CLEC11A: variants seen among roughly 807,000 people sequenced by gnomAD.
CLEC11A encodes the protein C-type lectin domain family 11 member A.
CLEC11A carries 35 observed loss-of-function variants against 33.9 expected under a neutral mutation model. The observed-to-expected ratio is 1.03, with a 90% CI of 0.79 to 1.37. CLEC11A has a LOEUF of 1.37. Among genes scored for constraint, CLEC11A ranks in the 40% most tolerant of loss-of-function variants. CLEC11A has a pLI of 0.00. For missense variants in CLEC11A, 519 were observed against 455.5 expected, an observed-to-expected ratio of 1.14 and a Z score of -1.27; for synonymous variants, 220 against 202.2, an observed-to-expected ratio of 1.09 and a Z score of -0.75.
rs1445461134 is a variant in CLEC11A, at chr19:50,724,810, C to A, written c.526+209C>A. On this transcript the variant is annotated intron_variant, in intron 3 of 3. Transcript: ENST00000250340. The surrounding 1 kb of genome is among the most constrained non-coding windows in gnomAD (Gnocchi z 4.1). ...CGGACCCGACTGGGGCAGCACCACG[C>A]CCCCTACAGTCCAGCTCCCACCGCC... is the stretch of plus-strand genomic sequence containing the variant. 6.6e-6 allele frequency among the ~76,000 whole-genome samples: 1 copy of A among 151,726 alleles called. No individual in the cohort carries two copies. The highest frequency in any genetic ancestry group is 1.5e-5 in the Non-Finnish European group (1 of 67,894).
Position 50,724,625 on chromosome 19 carries a change from G to GA in CLEC11A, c.526+31dup, listed in dbSNP as rs1303834628. 1.8e-5 allele frequency: 25 copies of GA among 1,386,018 alleles called. No homozygotes were observed. The highest frequency in any genetic ancestry group is 2.1e-5 in the Non-Finnish European group (23 of 1,074,302). The allele number at this position is 1,386,018 out of a possible 1,614,324, so 85.9% of individuals were successfully genotyped here. On this transcript the variant is annotated intron_variant, in intron 3 of 3. Transcript: ENST00000250340. The surrounding 1 kb of genome is among the most constrained non-coding windows in gnomAD (Gnocchi z 4.1). ...GGGTGAGTCCGCGGCGCGCGGGGTG[G>GA]AAAAAAATGAGACTATCTGGGCCAG...
At position 50,723,696 on chromosome 19, in the gene CLEC11A, C is replaced by T. The variant is rs373526182; in HGVS notation, c.147+24C>T. 3 of 1,555,380 alleles carry T rather than the reference C, an allele frequency of 1.9e-6. No individual in the cohort carries two copies. The highest frequency in any genetic ancestry group is 2.6e-6 in the Non-Finnish European group (3 of 1,153,164). ...AGGTGAGCTCTGGAGTGTCAGGGAG[C>T]TATGGGTGGTGAACTGTGGGTCTGG... On this transcript the variant is annotated intron_variant, in intron 1 of 3. Coordinates refer to ENST00000250340, the MANE Select transcript of CLEC11A (RefSeq NM_002975.3). The surrounding 1 kb of genome is among the most constrained non-coding windows in gnomAD (Gnocchi z 4.1).
At position 50,725,693 on chromosome 19, in the gene CLEC11A, TC is replaced by T; in HGVS notation, c.*228del. 1 of 759,298 alleles carries T rather than the reference TC, an allele frequency of 1.3e-6. No individual in the cohort carries two copies. The highest frequency in any genetic ancestry group is 2.0e-6 in the Non-Finnish European group (1 of 496,848). The allele number at this position is 759,298 out of a possible 1,614,324, so 47.0% of individuals were successfully genotyped here. A position where few individuals can be genotyped will look rare whatever the true frequency, so the allele number is the denominator to read the frequency against. On this transcript the variant is annotated 3_prime_UTR_variant, in exon 4 of 4. Coordinates refer to ENST00000250340, the MANE Select transcript of CLEC11A (RefSeq NM_002975.3). Reference sequence around the variant, plus strand: ...CCAGGCTAGGTCCGGTGCCAATAAATCCTTGTGGAATCTGACTTGAGGGGCA... The same window carrying T: ...CCAGGCTAGGTCCGGTGCCAATAAATCTTGTGGAATCTGACTTGAGGGGCA...
Position 50,724,746 on chromosome 19 carries a change from G to T in CLEC11A, c.526+145G>T. Reference sequence around the variant, plus strand: ...AGCGGACGGGGTTAGAGAGCTGGGAGGCTGAATGCAGGGAGCGGGTGGGCA... The same window carrying T: ...AGCGGACGGGGTTAGAGAGCTGGGATGCTGAATGCAGGGAGCGGGTGGGCA... On this transcript the variant is annotated intron_variant, in intron 3 of 3. Transcript: ENST00000250340. The surrounding 1 kb of genome is among the most constrained non-coding windows in gnomAD (Gnocchi z 4.1). The T allele has an allele frequency of 8.4e-7, 1 of 1,186,990 alleles. No individual in the cohort carries two copies. The highest frequency in any genetic ancestry group is 1.1e-6 in the Non-Finnish European group (1 of 898,674). The allele number at this position is 1,186,990 out of a possible 1,614,324, so 73.5% of individuals were successfully genotyped here.
chr19:50,724,690 G>A lies in CLEC11A; in HGVS notation c.526+89G>A, dbSNP rs1020234981. The A allele has an allele frequency of 2.2e-5, 28 of 1,301,166 alleles. No individual in the cohort carries two copies. The highest frequency in any genetic ancestry group is 1.7e-4 in the Admixed American group (5 of 29,468). The allele number at this position is 1,301,166 out of a possible 1,614,324, so 80.6% of individuals were successfully genotyped here. A position where few individuals can be genotyped will look rare whatever the true frequency, so the allele number is the denominator to read the frequency against. On this transcript the variant is annotated intron_variant, in intron 3 of 3. Transcript: ENST00000250340. The surrounding 1 kb of genome is among the most constrained non-coding windows in gnomAD (Gnocchi z 4.1). Reference sequence around the variant, plus strand: ...GAGAAGGTGACCCTAGGTGTCCGGGGCGGGAGAGTTCGGGAGAGCTGCTGT... The same window carrying A: ...GAGAAGGTGACCCTAGGTGTCCGGGACGGGAGAGTTCGGGAGAGCTGCTGT...
chr19:50,724,353 A>G lies in CLEC11A; in HGVS notation c.335-57A>G, dbSNP rs1481657225. On this transcript the variant is annotated intron_variant, in intron 2 of 3. Coordinates refer to ENST00000250340, the MANE Select transcript of CLEC11A (RefSeq NM_002975.3). The surrounding 1 kb of genome is among the most constrained non-coding windows in gnomAD (Gnocchi z 4.1). Reference sequence around the variant, plus strand: ...CTAGATCCCAGTTCTCCAGGTCCTCAGGCCCCCCGCTGCATCTCCAGGCTC... The same window carrying G: ...CTAGATCCCAGTTCTCCAGGTCCTCGGGCCCCCCGCTGCATCTCCAGGCTC... 2.7e-5 allele frequency: 37 copies of G among 1,368,830 alleles called. No individual in the cohort carries two copies. Among genetic ancestry groups the G allele is most frequent in the Non-Finnish European group, 3.5e-5 (37 of 1,052,738 alleles). 84.8% of individuals were successfully genotyped at this position (1,368,830 alleles called of 1,614,324 possible).
At position 50,725,598 on chromosome 19, in the gene CLEC11A, G is replaced by C. The variant is rs1451024877; in HGVS notation, c.*131G>C. ...GCGTCCTCCCCGACCCCCAGTCTGG[G>C]CGCTTCTGGGAGGGCTCTTGCGGTG... is the stretch of plus-strand genomic sequence containing the variant. On this transcript the variant is annotated 3_prime_UTR_variant, in exon 4 of 4. Transcript: ENST00000250340. The C allele has an allele frequency of 2.8e-6, 4 of 1,434,236 alleles. No individual in the cohort carries two copies. The East Asian group carries it at 1.0e-4, about 36-fold the overall frequency. 88.8% of individuals were successfully genotyped at this position (1,434,236 alleles called of 1,614,324 possible).
rs922622054 is a variant in CLEC11A at position 50,725,535 on chromosome 19, C to T, written c.*68C>T. ...CTTTCCCTGCGCCGTGCCCACCCTC[C>T]TCCGGAATCTCCCTTCCCTTCCTGG... On this transcript the variant is annotated 3_prime_UTR_variant, in exon 4 of 4. Transcript: ENST00000250340. 8 of 1,465,170 alleles carry T rather than the reference C, an allele frequency of 5.5e-6. No individual in the cohort carries two copies. The highest frequency in any genetic ancestry group is 2.5e-5 in the East Asian group (1 of 40,076). 90.8% of individuals were successfully genotyped at this position (1,465,170 alleles called of 1,614,324 possible).
rs202169240 is a variant in CLEC11A at position 50,724,046 on chromosome 19, G to A, written c.289G>A (p.Gly97Ser). 24 of 1,612,412 alleles carry A rather than the reference G, an allele frequency of 1.5e-5. No individual in the cohort carries two copies. Among genetic ancestry groups the A allele is most frequent in the South Asian group, 1.1e-4 (10 of 91,044 alleles). Residue 97 changes from glycine (G) to serine (S), a missense_variant, in exon 2 of 4, where the codon GGC becomes AGC. Transcript: ENST00000250340. This position sits in a 1 kb window ranked among gnomAD's most constrained non-coding sequence, Gnocchi z 4.1. ...EEEATPTPSS[G>S]PSPSPTPEDI... ...GGAAGCAACGCCAACCCCATCCTCC[G>A]GCCCCAGCCCCTCTCCCACCCCTGA... is the stretch of plus-strand genomic sequence containing the variant.
In CLEC11A at chr19:50,725,326, C is replaced by T; in HGVS notation, c.831C>T (p.Ser277=). 1 of 1,611,968 alleles carries T rather than the reference C, an allele frequency of 6.2e-7. No homozygotes were observed. The highest frequency in any genetic ancestry group is 8.5e-7 in the Non-Finnish European group (1 of 1,179,420). Residue 277 remains serine, a synonymous_variant, in exon 4 of 4, where the codon AGC becomes AGT. Transcript: ENST00000250340. ...GCCCCGAGCTCGGCGCCCAGCCCAG[C>T]GCCTCGCCGCATCCGCTCAGCCCGG... ...SPRPELGAQP[S]ASPHPLSPDQ... is the part of the protein sequence containing the mutation.
rs1231072607 is a variant in CLEC11A, at chr19:50,725,136, C to A, written c.641C>A (p.Pro214Gln). The change falls in exon 4 of 4, where the codon CCG becomes CAG. Residue 214 changes from proline to glutamine, a missense_variant. Pro to Gln is a moderately conservative substitution (Grantham distance 76, BLOSUM62 -1). Coordinates refer to ENST00000250340, the MANE Select transcript of CLEC11A (RefSeq NM_002975.3). Reference protein sequence around the residue: ...CTARGGSLAQPADRQQMEALT... With the variant: ...CTARGGSLAQQADRQQMEALT... The stretch of plus-strand genomic sequence containing the variant: ...GCGCGGGGCGGGAGCCTGGCGCAGC[C>A]GGCAGACCGCCAGCAGATGGAGGCG... 5 of 1,549,534 alleles carry A rather than the reference C, an allele frequency of 3.2e-6. No individual in the cohort carries two copies. Among genetic ancestry groups the A allele is most frequent in the Non-Finnish European group, 1.7e-6 (2 of 1,148,616 alleles).
rs1235833658 is a variant in CLEC11A at position 50,724,507 on chromosome 19, G to A, written c.432G>A (p.Arg144=). The A allele has an allele frequency of 1.3e-6, 2 of 1,568,078 alleles. No homozygotes were observed. Among genetic ancestry groups the A allele is most frequent in the South Asian group, 1.1e-5 (1 of 87,336 alleles). ...TGGTCGAGCTGACCCAGGGGCTGCGGCAGCTGCGGAACGCGGCAGGCGACA... is the reference window on the plus strand; with the variant it reads ...TGGTCGAGCTGACCCAGGGGCTGCGACAGCTGCGGAACGCGGCAGGCGACA... ...TRVVELTQGL[R]QLRNAAGDTR... The change falls in exon 3 of 4, where the codon CGG becomes CGA. Residue 144 remains arginine, a synonymous_variant. Coordinates refer to ENST00000250340, the MANE Select transcript of CLEC11A (RefSeq NM_002975.3). This position sits in a 1 kb window ranked among gnomAD's most constrained non-coding sequence, Gnocchi z 4.1.
Position 50,725,128 on chromosome 19 carries a change from G to C in CLEC11A, c.633G>C (p.Leu211=). 6.5e-7 allele frequency: 1 copy of C among 1,545,428 alleles called. No homozygotes were observed. Among genetic ancestry groups the C allele is most frequent in the Non-Finnish European group, 8.7e-7 (1 of 1,146,500 alleles). ...GGTGCACGGCGCGGGGCGGGAGCCT[G>C]GCGCAGCCGGCAGACCGCCAGCAGA... The part of the protein sequence containing the change: ...QARCTARGGS[L]AQPADRQQME... The change falls in exon 4 of 4, where the codon CTG becomes CTC. Residue 211 remains leucine, a synonymous_variant. Transcript: ENST00000250340.
Position 50,724,997 on chromosome 19 carries a change from C to G in CLEC11A, c.527-25C>G. The G allele has an allele frequency of 6.9e-7, 1 of 1,452,348 alleles. No individual in the cohort carries two copies. Among genetic ancestry groups the G allele is most frequent in the Admixed American group, 2.9e-5 (1 of 34,450 alleles). 90.0% of individuals were successfully genotyped at this position (1,452,348 alleles called of 1,614,324 possible). On this transcript the variant is annotated intron_variant, in intron 3 of 3. Coordinates refer to ENST00000250340, the MANE Select transcript of CLEC11A (RefSeq NM_002975.3). This position sits in a 1 kb window ranked among gnomAD's most constrained non-coding sequence, Gnocchi z 4.1. ...GACTCTGAATGCATGACCCCGCCTC[C>G]TTCTCTACCCGGCCCCGCCCACAGG...
rs2089167094 is a variant in CLEC11A, at chr19:50,724,436, G to A, written c.361G>A (p.Gly121Ser). ...ILGRLAGLDAGLHQLHVRLHA... is the reference protein window; with the variant it reads ...ILGRLAGLDASLHQLHVRLHA... ...GGGCCGCCTGGCCGGCCTGGACGCA[G>A]GCCTGCACCAGCTGCACGTCCGTCT... Residue 121 changes from glycine to serine, a missense_variant, in exon 3 of 4, where the codon GGC becomes AGC. By Grantham distance (56) the Gly-to-Ser change is moderately conservative. Transcript: ENST00000250340. This position sits in a 1 kb window ranked among gnomAD's most constrained non-coding sequence, Gnocchi z 4.1. 6.4e-7 allele frequency: 1 copy of A among 1,550,620 alleles called. No homozygotes were observed. The highest frequency in any genetic ancestry group is 1.9e-5 in the Admixed American group (1 of 53,932).
Position 50,725,556 on chromosome 19 carries a change from C to A in CLEC11A, c.*89C>A. ...CCTCCTCCGGAATCTCCCTTCCCTT[C>A]CTGGCCACGAATGGCAGCGTCCTCC... On this transcript the variant is annotated 3_prime_UTR_variant, in exon 4 of 4. Transcript: ENST00000250340. The A allele has an allele frequency of 2.8e-6, 4 of 1,451,496 alleles. No individual in the cohort carries two copies. The highest frequency in any genetic ancestry group is 3.6e-6 in the Non-Finnish European group (4 of 1,098,056). 89.9% of individuals were successfully genotyped at this position (1,451,496 alleles called of 1,614,324 possible). A position where few individuals can be genotyped will look rare whatever the true frequency, so the allele number is the denominator to read the frequency against.
rs981861535 is a variant in CLEC11A, at chr19:50,723,848, G to C, written c.148-57G>C. On this transcript the variant is annotated intron_variant, in intron 1 of 3. Coordinates refer to ENST00000250340, the MANE Select transcript of CLEC11A (RefSeq NM_002975.3). This position sits in a 1 kb window ranked among gnomAD's most constrained non-coding sequence, Gnocchi z 4.1. ...AGAGAATGAGTTATGAGTTGGAAAG[G>C]GGTGAATGGGGCATCTTGGTGGCAG... 123 of 1,571,092 alleles carry C rather than the reference G, an allele frequency of 7.8e-5. 1 individual carries two copies. The Admixed American group carries it at 2.3e-3, about 30-fold the overall frequency.
chr19:50,724,763 G>A lies in CLEC11A; in HGVS notation c.526+162G>A, dbSNP rs1041540623. 1.3e-5 allele frequency among the ~76,000 whole-genome samples: 2 copies of A among 152,028 alleles called. No individual in the cohort carries two copies. Among genetic ancestry groups the A allele is most frequent in the African/African-American group, 2.4e-5 (1 of 41,396 alleles). On this transcript the variant is annotated intron_variant, in intron 3 of 3. Coordinates refer to ENST00000250340, the MANE Select transcript of CLEC11A (RefSeq NM_002975.3). The surrounding 1 kb of genome is among the most constrained non-coding windows in gnomAD (Gnocchi z 4.1). ...AGCTGGGAGGCTGAATGCAGGGAGC[G>A]GGTGGGCACTCCAGACCCGCGCGGA...
At position 50,725,222 on chromosome 19, in the gene CLEC11A, C is replaced by A; in HGVS notation, c.727C>A (p.His243Asn). Residue 243 changes from histidine to asparagine, a missense_variant, in exon 4 of 4, where the codon CAC (histidine) becomes AAC (asparagine). By Grantham distance (68) the His-to-Asn change is moderately conservative. Coordinates refer to ENST00000250340, the MANE Select transcript of CLEC11A (RefSeq NM_002975.3). ...CAACTGGCCCGTGTGGCTGGGCGTG[C>A]ACGATCGGCGCGCCGAGGGCCTCTA... ...PYNWPVWLGV[H>N]DRRAEGLYLF... 1 of 1,597,644 alleles carries A rather than the reference C, an allele frequency of 6.3e-7. No individual in the cohort carries two copies.
Sources: allele counts gnomAD v4.1 joint callset (sites outside exome capture counted in the v4.1 genomes callset), GRCh38; gene constraint gnomAD v4.1.1; non-coding constraint Gnocchi (gnomAD v3.1); transcripts MANE v1.5; gene names NCBI Gene and HGNC (gene_info 2026-07-23, HGNC 2026-07-21).